ADAM22: variants seen among roughly 807,000 people sequenced by gnomAD.
ADAM22 encodes the protein ADAM metallopeptidase domain 22, also known as disintegrin and metalloproteinase domain-containing protein 22.
Under a neutral mutation model 144.6 loss-of-function variants are expected in ADAM22, and 65 were observed. The observed-to-expected ratio is 0.45, with a 90% confidence interval of 0.37 to 0.55. The LOEUF (loss-of-function observed/expected upper bound fraction) is 0.55. Ranked by LOEUF, ADAM22 falls within the 20% of genes least tolerant of loss-of-function variation. ADAM22 has a pLI of 0.00. For missense variants in ADAM22, 974 were observed against 1,184.9 expected (o/e 0.82, Z 2.61); for synonymous variants, 391 against 412.6 (o/e 0.95, Z 0.63).
intron 7 of ADAM22, among the ~76,000 whole-genome samples, chr7:88,119,644 A>G (rs1367288476): frequency 6.6e-6 from 1 of 152,094 alleles, no homozygotes; most frequent in Non-Finnish European, 1.5e-5. Context: ...ATGCACTATC[A>G]TGCCTGGCTA....
At chr7:88,087,566 T>C (rs907618971) in intron 4 of ADAM22, among the ~76,000 whole-genome samples, 3 of 151,260 alleles carry the variant, frequency 2.0e-5, no homozygotes, top group African/African-American at 7.3e-5. Context: ...GAACAGATTT[T>C]CTTGTGGCCA....
chr7:88,117,693 ATT>A lies in ADAM22; in HGVS notation c.607+896_607+897del, dbSNP rs11290840. ...CCACTATTTAGTGAGCCTTATTTTA[ATT>A]TTTTTTTTTTTTTTTTGAGACAAAG... On this transcript the variant is annotated intron_variant, in intron 7 of 31. Transcript: ENST00000413139. Among the ~76,000 whole-genome samples the A allele has an allele frequency of 6.6e-3, 891 of 134,876 alleles. 3 individuals carry two copies. Among genetic ancestry groups the A allele is most frequent in the African/African-American group, 0.013 (488 of 36,958 alleles). 88.5% of individuals were successfully genotyped at this position (134,876 alleles called of 152,430 possible).
At position 88,131,188 on chromosome 7, in the gene ADAM22, AAGG is replaced by A. The variant is rs1206957182; in HGVS notation, c.826-78_826-76del. On this transcript the variant is annotated intron_variant, in intron 10 of 31. Coordinates refer to ENST00000413139, the MANE Select transcript of ADAM22 (RefSeq NM_001324418.2). ...CTAAAACTCAAAGAAGTTTCCATGA[AAGG>A]AGTTTTGTAGTCCTGTTCATAAACT... 27 of 1,199,166 alleles carry A rather than the reference AAGG, an allele frequency of 2.3e-5. No homozygotes were observed. In the Admixed American group the frequency reaches 6.3e-4, roughly 28 times the overall value. 74.3% of individuals were successfully genotyped at this position (1,199,166 alleles called of 1,614,324 possible).
chr7:88,071,432 A>G (rs1812781242), intron 3 of ADAM22, among the ~76,000 whole-genome samples: 1 of 149,302 alleles, frequency 6.7e-6, no homozygotes, highest in Non-Finnish European at 1.5e-5. Flanking sequence ...CATTTTAAAC[A>G]GAAGCAAATT....
At chr7:87,951,279 T>C (rs868228852) in intron 2 of ADAM22, among the ~76,000 whole-genome samples, 48 of 139,632 alleles carry the variant, frequency 3.4e-4, no homozygotes, top group African/African-American at 8.5e-4. Context: ...TTAGGTCTAA[T>C]GTTTAAGTCT....
intron 15 of ADAM22, 30 bp downstream of exon 15, chr7:88,143,155 TATTA>T (rs1366516879): frequency 2.2e-6 from 3 of 1,392,170 alleles, no homozygotes; most frequent in Non-Finnish European, 3.0e-6. Context: ...AGGTTTATAA[TATTA>T]ATTATCAACC....
Position 87,940,313 on chromosome 7 carries a change from T to G in ADAM22, c.246+5127T>G, listed in dbSNP as rs115665265. On this transcript the variant is annotated intron_variant, in intron 2 of 31. Coordinates refer to ENST00000413139, the MANE Select transcript of ADAM22 (RefSeq NM_001324418.2). ...CCCATAAATATGTATAGTTATTATATGTCAATTTTTTAAAAGGTTAAAAAG... is the reference window on the plus strand; with the variant it reads ...CCCATAAATATGTATAGTTATTATAGGTCAATTTTTTAAAAGGTTAAAAAG... Among the ~76,000 whole-genome samples, 534 of 152,172 alleles carry G rather than the reference T, an allele frequency of 3.5e-3. 5 individuals are homozygous for G. The highest frequency in any genetic ancestry group is 0.012 in the African/African-American group (509 of 41,516).
chr7:87,955,520 C>T (rs543015754), intron 2 of ADAM22, among the ~76,000 whole-genome samples: 4 of 152,244 alleles, frequency 2.6e-5, no homozygotes, highest in South Asian at 2.1e-4. Context: ...AGTACCCGGC[C>T]GTGTGAGGTG....
intron 2 of ADAM22, among the ~76,000 whole-genome samples, chr7:87,950,298 C>T (rs1271429112): frequency 1.7e-5 from 2 of 117,308 alleles, no homozygotes; most frequent in Non-Finnish European, 3.4e-5. Context: ...CTCCCCCCAC[C>T]CCACAACAGT....
chr7:88,166,060 A>G, intron 24 of ADAM22, 114 bp downstream of exon 24: 1 of 665,016 alleles, frequency 1.5e-6, no homozygotes, highest in South Asian at 2.2e-5. Flanking sequence ...TTCTCATAAT[A>G]ATGAATTATA....
intron 30 of ADAM22, among the ~76,000 whole-genome samples, chr7:88,189,084 G>A (rs951905379): frequency 6.6e-5 from 10 of 152,176 alleles, no homozygotes; most frequent in African/African-American, 2.4e-4. Context: ...AGAGAGCAAG[G>A]CAAATGCCTA....
At chr7:87,977,044 A>G (rs778708904) in intron 2 of ADAM22, among the ~76,000 whole-genome samples, 3 of 152,052 alleles carry the variant, frequency 2.0e-5, no homozygotes, top group Non-Finnish European at 2.9e-5. Flanking sequence ...GGGGCTGGGT[A>G]TTAGTTGAGA....
At chr7:88,125,122 G>A (rs541969443) in intron 7 of ADAM22, among the ~76,000 whole-genome samples, 1 of 152,090 alleles carries the variant, frequency 6.6e-6, no homozygotes, top group Non-Finnish European at 1.5e-5. Context: ...TTGGTTATGG[G>A]CAAAGAAGAA....
chr7:88,179,706 T>C lies in ADAM22; in HGVS notation c.2495+577T>C, dbSNP rs117543811. 7.1e-3 allele frequency among the ~76,000 whole-genome samples: 1,078 copies of C among 152,230 alleles called. 3 individuals carry two copies. The highest frequency in any genetic ancestry group is 0.018 in the Admixed American group (279 of 15,274). On this transcript the variant is annotated intron_variant, in intron 27 of 31. Coordinates refer to ENST00000413139, the MANE Select transcript of ADAM22 (RefSeq NM_001324418.2). ...AGACACTGATGCTATATTCTTATTCTAGCATCTTAAGGTGTATGACACCAT... is the reference window on the plus strand; with the variant it reads ...AGACACTGATGCTATATTCTTATTCCAGCATCTTAAGGTGTATGACACCAT...
At chr7:88,098,405 G>T (rs1466911527) in intron 4 of ADAM22, among the ~76,000 whole-genome samples, 1 of 152,064 alleles carries the variant, frequency 6.6e-6, no homozygotes, top group Admixed American at 6.5e-5. Context: ...ATAAAGAGAT[G>T]AATTATTTTA....
At chr7:88,159,411 C>A (rs1039167272) in intron 22 of ADAM22, among the ~76,000 whole-genome samples, 2 of 152,054 alleles carry the variant, frequency 1.3e-5, no homozygotes, top group African/African-American at 4.8e-5. Context: ...TTCTATGAGG[C>A]CAGTATCATC....
At chr7:88,101,945 C>T (rs1823043703) in intron 4 of ADAM22, among the ~76,000 whole-genome samples, 1 of 152,200 alleles carries the variant, frequency 6.6e-6, no homozygotes, top group African/African-American at 2.4e-5. Context: ...TTCTAACAAG[C>T]TGATGCTTTT....
At chr7:88,120,761 A>G (rs1829085933) in intron 7 of ADAM22, among the ~76,000 whole-genome samples, 1 of 152,208 alleles carries the variant, frequency 6.6e-6, no homozygotes, top group African/African-American at 2.4e-5. Context: ...TGATGAACAG[A>G]TGTTTTAAAT....
chr7:88,125,681 T>C (rs764006298), intron 8 of ADAM22, 22 bp downstream of exon 8: 2 of 1,541,514 alleles, frequency 1.3e-6, no homozygotes, highest in Non-Finnish European at 8.7e-7. Flanking sequence ...CAGTGGTGTG[T>C]CGTGTTATTT....
Sources: gnomAD v4.1 joint callset for allele counts (sites outside exome capture counted in the v4.1 genomes callset) on GRCh38, gnomAD v4.1.1 for gene constraint, MANE v1.5 for transcripts, NCBI Gene and HGNC (gene_info 2026-07-23, HGNC 2026-07-21) for gene names.